FMN2: variants seen among roughly 807,000 people sequenced by gnomAD.
The protein encoded by FMN2 is formin-2.
Under a neutral mutation model 142.3 loss-of-function variants are expected in FMN2, and 51 were observed. That is an observed-to-expected ratio of 0.36 (90% CI 0.29 to 0.45). FMN2 has a LOEUF of 0.45. Ranked by LOEUF, FMN2 falls within the 20% of genes least tolerant of loss-of-function variation. The pLI is 1.00. For missense variants in FMN2, 1,936 were observed against 2,122.8 expected, an observed-to-expected ratio of 0.91 and a Z score of 1.73; for synonymous variants, 882 against 869.8, an observed-to-expected ratio of 1.01 and a Z score of -0.25.
At chr1:240,178,453 T>A (rs2103324759) in intron 3 of FMN2, among the ~76,000 whole-genome samples, 1 of 151,616 alleles carries the variant, frequency 6.6e-6, no homozygotes, top group African/African-American at 2.4e-5. Context: ...TCTTCTTTTT[T>A]TTTTTTTTTC....
At chr1:240,342,487 T>G (rs986370314) in intron 13 of FMN2, among the ~76,000 whole-genome samples, 4 of 152,326 alleles carry the variant, frequency 2.6e-5, no homozygotes, top group East Asian at 3.9e-4. Context: ...AAGTATATCA[T>G]GTTGAGCATT....
chr1:240,355,794 A>G lies in FMN2; in HGVS notation c.4766-22A>G, dbSNP rs764036535. The G allele has an allele frequency of 2.2e-5, 35 of 1,571,336 alleles. No individual in the cohort carries two copies. In the South Asian group the frequency reaches 3.8e-4, roughly 17 times the overall value. Reference sequence around the variant, plus strand: ...CTCCACTAACAGTGTGACACTCTAAATAATGTTCTGTCTAATTTCAGCCTG... The same window carrying G: ...CTCCACTAACAGTGTGACACTCTAAGTAATGTTCTGTCTAATTTCAGCCTG... On this transcript the variant is annotated intron_variant, in intron 13 of 17. Coordinates refer to ENST00000319653, the MANE Select transcript of FMN2 (RefSeq NM_020066.5).
chr1:240,226,833 C>T (rs77223217), intron 6 of FMN2, among the ~76,000 whole-genome samples: 145 of 147,402 alleles, frequency 9.8e-4, no homozygotes, highest in African/African-American at 3.0e-3. Flanking sequence ...CACACACACA[C>T]ATACACACAC....
At chr1:240,362,188 G>A (rs1051797051) in intron 14 of FMN2, among the ~76,000 whole-genome samples, 5 of 152,128 alleles carry the variant, frequency 3.3e-5, no homozygotes, top group Admixed American at 6.5e-5. Flanking sequence ...TGATGCATAC[G>A]TGTTGGACTG....
intron 1 of FMN2, among the ~76,000 whole-genome samples, chr1:240,098,414 CT>C (rs1419829070): frequency 6.6e-6 from 1 of 152,060 alleles, no homozygotes; most frequent in African/African-American, 2.4e-5. Flanking sequence ...GAAGAACCCA[CT>C]CTAGGAGTAC....
intron 2 of FMN2, among the ~76,000 whole-genome samples, chr1:240,128,935 G>T (rs543247458): frequency 6.6e-6 from 1 of 151,928 alleles, no homozygotes; most frequent in African/African-American, 2.4e-5. Flanking sequence ...GTGCAGTGGC[G>T]CGATCTTGGC....
At chr1:240,312,354 T>A (rs1053503167) in intron 8 of FMN2, among the ~76,000 whole-genome samples, 1 of 152,188 alleles carries the variant, frequency 6.6e-6, no homozygotes, top group Admixed American at 6.5e-5. Flanking sequence ...TTTTCTTCCT[T>A]AGGAATTCTT....
intron 4 of FMN2, among the ~76,000 whole-genome samples, chr1:240,194,219 G>T (rs1418980430): frequency 6.6e-6 from 1 of 152,004 alleles, no homozygotes; most frequent in Non-Finnish European, 1.5e-5. Context: ...CTCAGTCTAG[G>T]GTGCATTTCA....
At chr1:240,129,809 T>C (rs906227116) in intron 2 of FMN2, among the ~76,000 whole-genome samples, 1 of 152,140 alleles carries the variant, frequency 6.6e-6, no homozygotes, top group Non-Finnish European at 1.5e-5. Context: ...GCCACCATTA[T>C]TGACATTGCT....
At chr1:240,249,220 T>A (rs1340779419) in intron 6 of FMN2, among the ~76,000 whole-genome samples, 1 of 152,100 alleles carries the variant, frequency 6.6e-6, no homozygotes, top group Non-Finnish European at 1.5e-5. Flanking sequence ...TCTAGTAGAT[T>A]TATAGTTTCG....
At chr1:240,110,654 G>C (rs560262704) in intron 1 of FMN2, among the ~76,000 whole-genome samples, 1 of 152,266 alleles carries the variant, frequency 6.6e-6, no homozygotes, top group South Asian at 2.1e-4. Context: ...CTTCACTTTT[G>C]ATTAGCTACA....
intron 13 of FMN2, among the ~76,000 whole-genome samples, chr1:240,346,370 T>G (rs1057345704): frequency 3.9e-5 from 6 of 152,038 alleles, no homozygotes; most frequent in African/African-American, 1.5e-4. Flanking sequence ...TATACAAATG[T>G]GGTATCTCTC....
chr1:240,093,360 C>T lies in FMN2; in HGVS notation c.1251C>T (p.Cys417=), dbSNP rs1033789306. 2 of 1,613,208 alleles carry T rather than the reference C, an allele frequency of 1.2e-6. No individual in the cohort carries two copies. Among genetic ancestry groups the T allele is most frequent in the African/African-American group, 1.3e-5 (1 of 74,816 alleles). The change falls in exon 1 of 18, where the codon TGC becomes TGT. Residue 417 remains cysteine (C), a synonymous_variant. Coordinates refer to ENST00000319653, the MANE Select transcript of FMN2 (RefSeq NM_020066.5). Reference sequence around the variant, plus strand: ...AGCCCTACCCGCTCATCACCCCCTGCTACATCAAGACCACCACCCGGCAGC... The same window carrying T: ...AGCCCTACCCGCTCATCACCCCCTGTTACATCAAGACCACCACCCGGCAGC... ...CFKPYPLITP[C]YIKTTTRQLS...
intron 15 of FMN2, among the ~76,000 whole-genome samples, chr1:240,410,724 T>C (rs1674360312): frequency 6.6e-6 from 1 of 152,262 alleles, no homozygotes; most frequent in Non-Finnish European, 1.5e-5. Context: ...AATTGTCTGC[T>C]TTTCTGAGCT....
At chr1:240,292,908 C>T (rs988056902) in intron 7 of FMN2, among the ~76,000 whole-genome samples, 1 of 152,028 alleles carries the variant, frequency 6.6e-6, no homozygotes, top group African/African-American at 2.4e-5. Context: ...TGCTCGTTCC[C>T]ATTTGAATTG....
intron 2 of FMN2, among the ~76,000 whole-genome samples, chr1:240,132,806 G>A (rs1324350944): frequency 6.6e-6 from 1 of 152,038 alleles, no homozygotes; most frequent in Non-Finnish European, 1.5e-5. Context: ...GGGAGGATTG[G>A]AAAAATCACC....
At chr1:240,309,772 G>A (rs1443843175) in intron 8 of FMN2, among the ~76,000 whole-genome samples, 5 of 152,082 alleles carry the variant, frequency 3.3e-5, no homozygotes, top group African/African-American at 4.8e-5. Flanking sequence ...AGTCCAGTCC[G>A]TTATCTCGGA....
chr1:240,228,508 G>A (rs1203129888), intron 6 of FMN2, among the ~76,000 whole-genome samples: 1 of 151,854 alleles, frequency 6.6e-6, no homozygotes, highest in Non-Finnish European at 1.5e-5. Context: ...GTGCAAGGAT[G>A]GCTATAATCA....
At chr1:240,385,863 T>C (rs562730954) in intron 14 of FMN2, among the ~76,000 whole-genome samples, 2 of 151,676 alleles carry the variant, frequency 1.3e-5, no homozygotes, top group South Asian at 4.2e-4. Flanking sequence ...TATACACCTA[T>C]ATTTCTAGAG....
Sources: allele counts gnomAD v4.1 joint callset (sites outside exome capture counted in the v4.1 genomes callset), GRCh38; gene constraint gnomAD v4.1.1; transcripts MANE v1.5; gene names NCBI Gene and HGNC (gene_info 2026-07-23, HGNC 2026-07-21).